Variants in FARP1 observed in about 807,000 individuals in gnomAD.
FARP1 encodes FERM, ARH/RhoGEF and pleckstrin domain protein 1.
A neutral mutation model predicts 128.8 loss-of-function variants in FARP1; 52 were observed. The observed-to-expected ratio is 0.40, with a 90% CI of 0.32 to 0.51. The LOEUF is 0.51. FARP1 is among the 20% of genes least tolerant of loss of function. The probability of loss-of-function intolerance (pLI) is 0.45; values close to 1 mark genes in which losing one functional copy is unlikely to be tolerated. For missense variants in FARP1, 1,333 were observed against 1,367.9 expected (o/e 0.97, Z 0.40); for synonymous variants, 580 against 551.8 (o/e 1.05, Z -0.72).
At chr13:98,181,995 CAA>C (rs1258141302) in intron 1 of FARP1, among the ~76,000 whole-genome samples, 1 of 152,008 alleles carries the variant, frequency 6.6e-6, no homozygotes, top group Non-Finnish European at 1.5e-5. Flanking sequence ...AAATTTATGA[CAA>C]GATGATAAAT....
intron 2 of FARP1, among the ~76,000 whole-genome samples, chr13:98,218,894 A>G (rs145523968): frequency 6.6e-6 from 1 of 152,226 alleles, no homozygotes; most frequent in Non-Finnish European, 1.5e-5. Flanking sequence ...AGTTTTTGAG[A>G]AAAGTAATGA....
intron 5 of FARP1, among the ~76,000 whole-genome samples, chr13:98,372,577 G>GTGT (rs1198620224): frequency 1.3e-5 from 2 of 152,200 alleles, no homozygotes; most frequent in African/African-American, 4.8e-5. Flanking sequence ...CCCTACTGAA[G>GTGT]TGTTCTCTTA....
chr13:98,442,929 G>T (rs1254353955), intron 24 of FARP1, among the ~76,000 whole-genome samples: 1 of 152,208 alleles, frequency 6.6e-6, no homozygotes, highest in African/African-American at 2.4e-5. Flanking sequence ...ATACCTGGAG[G>T]CACCCAGGCC....
At chr13:98,313,899 A>G (rs536537441) in intron 2 of FARP1, among the ~76,000 whole-genome samples, 8 of 152,320 alleles carry the variant, frequency 5.3e-5, no homozygotes, top group African/African-American at 1.9e-4. Context: ...CTAGACTTCG[A>G]GAAAAACCCA....
rs10565192 is a variant in FARP1, at chr13:98,313,109, T to TACACAC, written c.172-30626_172-30621dup. ...CACTCTGGAATCGGGTGGGTCATAA[T>TACACAC]ACACACACACACACACACACACACA... On this transcript the variant is annotated intron_variant, in intron 2 of 26. Transcript: ENST00000319562. Among the ~76,000 whole-genome samples the TACACAC allele has an allele frequency of 1.2e-3, 171 of 138,358 alleles. 3 individuals are homozygous for TACACAC. The highest frequency in any genetic ancestry group is 3.2e-3 in the African/African-American group (117 of 36,902). The allele number at this position is 138,358 out of a possible 152,430, so 90.8% of individuals were successfully genotyped here.
chr13:98,274,373 G>A (rs1438157474), intron 2 of FARP1, among the ~76,000 whole-genome samples: 1 of 152,186 alleles, frequency 6.6e-6, no homozygotes. Context: ...GAGTTTCACA[G>A]GCTCCTTACT....
intron 7 of FARP1, 110 bp from the exon 8 acceptor site, chr13:98,385,557 T>G: frequency 8.3e-7 from 1 of 1,211,454 alleles, no homozygotes; most frequent in East Asian, 2.3e-5. Flanking sequence ...AGCCCCAGTG[T>G]TTGTGATGAA....
At chr13:98,193,307 C>T (rs1250278763) in intron 1 of FARP1, among the ~76,000 whole-genome samples, 18 of 152,222 alleles carry the variant, frequency 1.2e-4, no homozygotes, top group South Asian at 8.3e-4. Flanking sequence ...CCACCCGCCT[C>T]GGCCTCCCAA....
chr13:98,401,525 G>A (rs1056810825), intron 13 of FARP1: 2 of 148,804 alleles, frequency 1.3e-5, no homozygotes, highest in African/African-American at 4.9e-5. Context: ...CCTTGAAAAG[G>A]GCAACTTTGT....
intron 6 of FARP1, chr13:98,384,431 G>C: frequency 2.9e-6 from 1 of 339,912 alleles, no homozygotes; most frequent in Non-Finnish European, 5.4e-6. Context: ...GACCTCAAGT[G>C]ATCCACCCGT....
At position 98,176,525 on chromosome 13, in the gene FARP1, A is replaced by G. The variant is rs772298086; in HGVS notation, c.-24+33033A>G. 6.2e-7 allele frequency: 1 copy of G among 1,614,164 alleles called. No individual in the cohort carries two copies. Among genetic ancestry groups the G allele is most frequent in the Admixed American group, 1.7e-5 (1 of 60,022 alleles). ...CCCACTTCATGGTTTTCGTCCTCGC[A>G]GATACAGTAGCGACCCTCTTCAAGC... On this transcript the variant is annotated intron_variant, in intron 1 of 26. Coordinates refer to ENST00000319562, the MANE Select transcript of FARP1 (RefSeq NM_005766.4). This position sits in a 1 kb window ranked among gnomAD's most constrained non-coding sequence, Gnocchi z 6.2.
intron 2 of FARP1, among the ~76,000 whole-genome samples, chr13:98,320,331 G>A (rs556972668): frequency 4.6e-5 from 7 of 152,314 alleles, no homozygotes; most frequent in Admixed American, 3.3e-4. Context: ...CTGGATGTGC[G>A]TGTCTTGCTG....
At chr13:98,350,945 C>T (rs1051650148) in intron 3 of FARP1, among the ~76,000 whole-genome samples, 19 of 152,014 alleles carry the variant, frequency 1.2e-4, no homozygotes, top group African/African-American at 2.7e-4. Flanking sequence ...CCAGAGCCCA[C>T]GGAAATGATG....
At chr13:98,356,957 C>G (rs1195683080) in intron 3 of FARP1, among the ~76,000 whole-genome samples, 1 of 152,086 alleles carries the variant, frequency 6.6e-6, no homozygotes, top group Non-Finnish European at 1.5e-5. Flanking sequence ...TTTTAAATCC[C>G]CAGCAATATT....
intron 6 of FARP1, among the ~76,000 whole-genome samples, chr13:98,378,700 A>G (rs1021872820): frequency 4.7e-4 from 71 of 151,738 alleles, no homozygotes; most frequent in African/African-American, 1.6e-3. Flanking sequence ...GTTTATAGGA[A>G]GTGTCTCTCT....
At chr13:98,354,561 A>G (rs1294829953) in intron 3 of FARP1, among the ~76,000 whole-genome samples, 1 of 152,244 alleles carries the variant, frequency 6.6e-6, no homozygotes, top group Non-Finnish European at 1.5e-5. Flanking sequence ...TTGAAAAAAG[A>G]AGTAGCTGAT....
chr13:98,158,891 T>G (rs1184434799), intron 1 of FARP1, among the ~76,000 whole-genome samples: 1 of 152,196 alleles, frequency 6.6e-6, no homozygotes, highest in Non-Finnish European at 1.5e-5. Context: ...CTGGAGGAGC[T>G]AGACAGGGAT....
chr13:98,392,772 C>A (rs1200054480), intron 11 of FARP1, among the ~76,000 whole-genome samples: 1 of 151,310 alleles, frequency 6.6e-6, no homozygotes, highest in Non-Finnish European at 1.5e-5. Context: ...TACCACAAAT[C>A]TGTGGTGCTT....
chr13:98,368,239 A>G, intron 5 of FARP1, 44 bp downstream of exon 5: 1 of 1,371,016 alleles, frequency 7.3e-7, no homozygotes, highest in South Asian at 1.2e-5. Context: ...CAGAGTACAG[A>G]GGAAAAGAGA....
Sources: gnomAD v4.1 joint callset for allele counts (sites outside exome capture counted in the v4.1 genomes callset) on GRCh38, gnomAD v4.1.1 for gene constraint, Gnocchi (gnomAD v3.1) non-coding constraint, MANE v1.5 for transcripts, NCBI Gene and HGNC (gene_info 2026-07-23, HGNC 2026-07-21) for gene names.